POU6F2: variants seen among roughly 807,000 people sequenced by gnomAD.
POU6F2 encodes POU class 6 homeobox 2, also known as POU domain, class 6, transcription factor 2.
POU6F2 carries 31 observed loss-of-function variants against 71.3 expected under a neutral mutation model. The ratio of observed to expected loss-of-function variants is 0.43; its 90% confidence interval spans 0.33 to 0.59. The LOEUF (loss-of-function observed/expected upper bound fraction) is 0.59, where lower values mean the gene tolerates loss of function less well. Among genes scored for constraint, POU6F2 ranks in the 20% least tolerant of loss-of-function variants. POU6F2 has a pLI of 0.04. For missense variants in POU6F2, 783 were observed against 856.8 expected, an observed-to-expected ratio of 0.91 and a Z score of 1.07; for synonymous variants, 347 against 355.7, an observed-to-expected ratio of 0.98 and a Z score of 0.27.
At chr7:39,188,211 G>T in intron 2 of POU6F2, among the ~76,000 whole-genome samples, 1 of 152,206 alleles carries the variant, frequency 6.6e-6, no homozygotes, top group East Asian at 1.9e-4. Context: ...AGAAACTAAA[G>T]GTCAGGGAGG....
intron 2 of POU6F2, among the ~76,000 whole-genome samples, chr7:39,198,608 C>T (rs1475829947): frequency 6.6e-6 from 1 of 152,214 alleles, no homozygotes; most frequent in Non-Finnish European, 1.5e-5. Context: ...TTTGCAAAAA[C>T]GTACAAACCA....
intron 1 of POU6F2, among the ~76,000 whole-genome samples, chr7:38,998,552 G>T (rs935897331): frequency 1.3e-5 from 2 of 152,016 alleles, no homozygotes; most frequent in Non-Finnish European, 2.9e-5. Context: ...TAGGAGATCT[G>T]AACAAATTTA....
chr7:39,296,438 T>C (rs907025754), intron 4 of POU6F2, among the ~76,000 whole-genome samples: 6 of 152,194 alleles, frequency 3.9e-5, no homozygotes, highest in South Asian at 4.1e-4. Context: ...CTTCTCCTCT[T>C]CCTCTCCTCA....
At chr7:39,250,722 C>T (rs897831217) in intron 4 of POU6F2, among the ~76,000 whole-genome samples, 2 of 152,190 alleles carry the variant, frequency 1.3e-5, no homozygotes, top group African/African-American at 2.4e-5. Context: ...CAGTCACATT[C>T]ACCTCGGCCA....
chr7:39,266,643 G>T (rs1374295003), intron 4 of POU6F2, among the ~76,000 whole-genome samples: 1 of 148,316 alleles, frequency 6.7e-6, no homozygotes, highest in African/African-American at 2.5e-5. Context: ...CGATCCTCCT[G>T]CTTCAGCCTC....
At chr7:39,031,152 G>A (rs971086954) in intron 1 of POU6F2, among the ~76,000 whole-genome samples, 9 of 152,088 alleles carry the variant, frequency 5.9e-5, no homozygotes, top group Non-Finnish European at 1.2e-4. Flanking sequence ...GCCCTCCTCG[G>A]CCTCCCAAAG....
chr7:39,356,564 A>G (rs1200012728), intron 5 of POU6F2, among the ~76,000 whole-genome samples: 1 of 152,184 alleles, frequency 6.6e-6, no homozygotes, highest in Non-Finnish European at 1.5e-5. Context: ...GCCCCTTAAG[A>G]ACAGACACAA....
chr7:39,320,610 T>A (rs982864539), intron 4 of POU6F2, among the ~76,000 whole-genome samples: 1 of 152,198 alleles, frequency 6.6e-6, no homozygotes, highest in African/African-American at 2.4e-5. Context: ...GAGTAGTTGC[T>A]GCTTTTCTGA....
chr7:39,256,123 T>TG (rs1164193589), intron 4 of POU6F2, among the ~76,000 whole-genome samples: 5 of 144,606 alleles, frequency 3.5e-5, no homozygotes, highest in Non-Finnish European at 7.5e-5. Context: ...ACATTGAGAT[T>TG]GTCTGATACA....
intron 4 of POU6F2, among the ~76,000 whole-genome samples, chr7:39,286,372 GT>G (rs1019352097): frequency 4.6e-5 from 7 of 152,200 alleles, no homozygotes; most frequent in African/African-American, 1.2e-4. Context: ...ACTACCTACA[GT>G]ACTTATATAA....
intron 1 of POU6F2, among the ~76,000 whole-genome samples, chr7:38,980,040 GTTA>G (rs1235927104): frequency 6.6e-6 from 1 of 152,104 alleles, no homozygotes; most frequent in African/African-American, 2.4e-5. Context: ...TTTAAAATTA[GTTA>G]TTATTACATA....
intron 1 of POU6F2, among the ~76,000 whole-genome samples, chr7:39,021,877 G>T (rs1431362831): frequency 6.6e-6 from 1 of 151,880 alleles, no homozygotes; most frequent in Non-Finnish European, 1.5e-5. Flanking sequence ...CTTTTGTATT[G>T]GTTCCTAAAA....
intron 9 of POU6F2, among the ~76,000 whole-genome samples, chr7:39,463,276 A>T (rs138380710): frequency 1.3e-5 from 2 of 152,378 alleles, no homozygotes; most frequent in Non-Finnish European, 2.9e-5. Flanking sequence ...TTTTAAAGTC[A>T]ATGTAGCAAA....
At chr7:39,001,678 TGGTG>T (rs1477440479) in intron 1 of POU6F2, among the ~76,000 whole-genome samples, 2 of 151,226 alleles carry the variant, frequency 1.3e-5, no homozygotes, top group African/African-American at 2.4e-5. Flanking sequence ...GTGATGGTGA[TGGTG>T]ATGGTGATAT....
At chr7:39,113,522 G>A (rs1190867386) in intron 2 of POU6F2, among the ~76,000 whole-genome samples, 3 of 152,084 alleles carry the variant, frequency 2.0e-5, no homozygotes, top group East Asian at 1.9e-4. Context: ...TTACATAGAC[G>A]AAACAGGAGC....
chr7:39,041,232 A>T (rs1487785880), intron 1 of POU6F2, among the ~76,000 whole-genome samples: 2 of 151,974 alleles, frequency 1.3e-5, no homozygotes, highest in Non-Finnish European at 2.9e-5. Flanking sequence ...GCATCGATGG[A>T]ACCATCTCTC....
intron 2 of POU6F2, 105 bp downstream of exon 2, chr7:39,086,136 G>T (rs184152138): frequency 8.5e-7 from 1 of 1,180,026 alleles, no homozygotes; most frequent in African/African-American, 1.9e-5. Flanking sequence ...CAGTTTTCCC[G>T]TAAGTACTAA....
At chr7:39,352,867 CAA>C (rs35939390) in intron 5 of POU6F2, among the ~76,000 whole-genome samples, 2 of 151,766 alleles carry the variant, frequency 1.3e-5, no homozygotes, top group African/African-American at 4.8e-5. Context: ...ACATAGTGCC[CAA>C]AAAAAGGAAC....
intron 4 of POU6F2, among the ~76,000 whole-genome samples, chr7:39,217,075 T>A (rs1036920232): frequency 6.6e-6 from 1 of 152,180 alleles, no homozygotes; most frequent in Non-Finnish European, 1.5e-5. Flanking sequence ...TTTCTATTCA[T>A]TAAGGTGGAA....
Sources: gnomAD v4.1 joint callset for allele counts (sites outside exome capture counted in the v4.1 genomes callset) on GRCh38, gnomAD v4.1.1 for gene constraint, MANE v1.5 for transcripts, NCBI Gene and HGNC (gene_info 2026-07-23, HGNC 2026-07-21) for gene names.